UPF2: variants seen among roughly 807,000 people sequenced by gnomAD.
UPF2 encodes the protein UPF2 regulator of nonsense mediated mRNA decay, also known as regulator of nonsense transcripts 2.
In UPF2, 17 loss-of-function variants were observed where a neutral mutation model predicts 141.4. The ratio of observed to expected loss-of-function variants is 0.12; its 90% confidence interval spans 0.08 to 0.18. The LOEUF (loss-of-function observed/expected upper bound fraction) is 0.18, where lower values mean the gene tolerates loss of function less well. Among genes scored for constraint, UPF2 ranks in the 10% least tolerant of loss-of-function variants. The probability of loss-of-function intolerance (pLI) is 1.00; values close to 1 mark genes in which losing one functional copy is unlikely to be tolerated. For synonymous variants in UPF2, 540 were observed against 498.0 expected, an observed-to-expected ratio of 1.08 and a Z score of -1.12; for missense variants, 1,152 against 1,515.9, an observed-to-expected ratio of 0.76 and a Z score of 3.99.
Position 11,960,549 on chromosome 10 carries a change from T to TG in UPF2, c.2185-1194dup, listed in dbSNP as rs1389794416. The stretch of plus-strand genomic sequence containing the variant: ...TGTCACTGCACTCCAGCCTGGGTGA[T>TG]GGAGTGAGACCCCACCTCTAAAATA... On this transcript the variant is annotated intron_variant, in intron 11 of 21. Transcript: ENST00000357604. 4.7e-5 allele frequency among the ~76,000 whole-genome samples: 7 copies of TG among 149,120 alleles called. No homozygotes were observed. In the East Asian group the frequency reaches 1.4e-3, roughly 30 times the overall value.
intron 5 of UPF2, among the ~76,000 whole-genome samples, chr10:12,002,742 C>A (rs2131268343): frequency 6.6e-6 from 1 of 152,192 alleles, no homozygotes; most frequent in African/African-American, 2.4e-5. Context: ...GAAGAGAAAC[C>A]AAACCTTAGC....
intron 21 of UPF2, among the ~76,000 whole-genome samples, chr10:11,922,975 G>A (rs551209371): frequency 1.5e-4 from 23 of 152,230 alleles, no homozygotes; most frequent in African/African-American, 4.1e-4. Context: ...TCGAGGCTGC[G>A]GTGACCTGTG....
At chr10:11,975,378 A>ACTG (rs1340666282) in intron 9 of UPF2, among the ~76,000 whole-genome samples, 7 of 152,172 alleles carry the variant, frequency 4.6e-5, no homozygotes, top group African/African-American at 1.7e-4. Flanking sequence ...CCATCCAAAG[A>ACTG]CTGCTACGTT....
At chr10:11,990,197 C>CTTTGATA (rs1833756296) in intron 8 of UPF2, among the ~76,000 whole-genome samples, 1 of 152,194 alleles carries the variant, frequency 6.6e-6, no homozygotes, top group Non-Finnish European at 1.5e-5. Flanking sequence ...AATATGCCAT[C>CTTTGATA]AACATGCTTC....
chr10:11,964,354 C>G (rs1270442482), intron 10 of UPF2, among the ~76,000 whole-genome samples: 1 of 152,152 alleles, frequency 6.6e-6, no homozygotes, highest in East Asian at 1.9e-4. Context: ...GAATGTCAAA[C>G]CCCTTTCTAT....
intron 21 of UPF2, among the ~76,000 whole-genome samples, chr10:11,923,763 C>T (rs939884841): frequency 5.9e-5 from 9 of 151,952 alleles, no homozygotes; most frequent in Non-Finnish European, 1.0e-4. Context: ...TGCTTGAACT[C>T]GGGAGGCAGA....
At position 11,935,556 on chromosome 10, in the gene UPF2, T is replaced by C. The variant is rs184388878; in HGVS notation, c.3546+989A>G. ...ATTTCATGGACTCTAAGAAGCAACT[T>C]GATCTCAGAAATGTTAAGATGTAAA... On this transcript the variant is annotated intron_variant, in intron 19 of 21. Transcript: ENST00000357604. The surrounding 1 kb of genome is among the most constrained non-coding windows in gnomAD (Gnocchi z 4.9). 6.6e-6 allele frequency among the ~76,000 whole-genome samples: 1 copy of C among 152,306 alleles called. No homozygotes were observed. The highest frequency in any genetic ancestry group is 6.5e-5 in the Admixed American group (1 of 15,294).
In UPF2 at chr10:12,007,266, G is replaced by GA. The variant is rs2131274645; in HGVS notation, c.1307-2540dup. The stretch of plus-strand genomic sequence containing the variant: ...GATATCTGATTATATATATTTTCTG[G>GA]AAAAAAGTAAAGTCTGGACACATTA... On this transcript the variant is annotated intron_variant, in intron 4 of 21. Coordinates refer to ENST00000357604, the MANE Select transcript of UPF2 (RefSeq NM_015542.4). Among the ~76,000 whole-genome samples the GA allele has an allele frequency of 1.3e-5, 2 of 152,168 alleles. 1 individual carries two copies. Among genetic ancestry groups the GA allele is most frequent in the East Asian group, 3.9e-4 (2 of 5,184 alleles).
At chr10:12,036,347 A>T (rs1486153880) in intron 1 of UPF2, among the ~76,000 whole-genome samples, 1 of 152,230 alleles carries the variant, frequency 6.6e-6, no homozygotes, top group Non-Finnish European at 1.5e-5. Context: ...TCGGAGAAAA[A>T]ATTATCACCC....
intron 7 of UPF2, among the ~76,000 whole-genome samples, 194 bp downstream of exon 7, chr10:11,999,712 A>C (rs1166464639): frequency 6.6e-6 from 1 of 152,176 alleles, no homozygotes; most frequent in Non-Finnish European, 1.5e-5. Flanking sequence ...TGCTACAGCC[A>C]ATTCTCTACC....
Position 11,976,279 on chromosome 10 carries a change from C to T in UPF2, c.1953+2778G>A, listed in dbSNP as rs1041442587. Among the ~76,000 whole-genome samples, 9 of 152,136 alleles carry T rather than the reference C, an allele frequency of 5.9e-5. No homozygotes were observed. In the South Asian group the frequency reaches 8.3e-4, roughly 14 times the overall value. On this transcript the variant is annotated intron_variant, in intron 9 of 21. Transcript: ENST00000357604. ...ACTGGATCTAGGTAGAAGACAGAGACGGGAAAAGCTCGTTAAAAATCTACT... is the reference window on the plus strand; with the variant it reads ...ACTGGATCTAGGTAGAAGACAGAGATGGGAAAAGCTCGTTAAAAATCTACT...
Position 11,972,087 on chromosome 10 carries a change from C to A in UPF2, c.1954-4633G>T, listed in dbSNP as rs1372250069. 1.7e-3 allele frequency among the ~76,000 whole-genome samples: 252 copies of A among 144,002 alleles called. 1 individual carries two copies. The highest frequency in any genetic ancestry group is 5.4e-3 in the African/African-American group (213 of 39,258). 94.5% of individuals were successfully genotyped at this position (144,002 alleles called of 152,430 possible). On this transcript the variant is annotated intron_variant, in intron 9 of 21. Coordinates refer to ENST00000357604, the MANE Select transcript of UPF2 (RefSeq NM_015542.4). ...TCAAAAAAAAAAAAAAAAAAACACA[C>A]AAAAAAACACTCTTCAGATATGTCA... is the stretch of plus-strand genomic sequence containing the variant.
At chr10:11,969,873 A>G (rs1475072806) in intron 9 of UPF2, among the ~76,000 whole-genome samples, 2 of 152,206 alleles carry the variant, frequency 1.3e-5, no homozygotes, top group Non-Finnish European at 2.9e-5. Context: ...TAATACTTGT[A>G]AAGCACATAA....
At chr10:12,010,121 G>C (rs1015359523) in intron 4 of UPF2, among the ~76,000 whole-genome samples, 1 of 152,120 alleles carries the variant, frequency 6.6e-6, no homozygotes, top group Non-Finnish European at 1.5e-5. Context: ...TCCTAACAAA[G>C]CATCCTTTCA....
In UPF2 at chr10:11,938,853, G is replaced by GTTTTT. The variant is rs58106776; in HGVS notation, c.3379-2146_3379-2142dup. On this transcript the variant is annotated intron_variant, in intron 18 of 21. Transcript: ENST00000357604. The stretch of plus-strand genomic sequence containing the variant: ...GTGGTCTTAAGCAAGTTTTTTTTTT[G>GTTTTT]TTTTTTTTTTTTTTTTTTTTTTTTT... Among the ~76,000 whole-genome samples, 711 of 79,812 alleles carry GTTTTT rather than the reference G, an allele frequency of 8.9e-3. 156 individuals carry two copies. The highest frequency in any genetic ancestry group is 0.012 in the Non-Finnish European group (498 of 42,768). 52.4% of individuals were successfully genotyped at this position (79,812 alleles called of 152,430 possible).
chr10:11,952,765 C>T (rs571748147), intron 14 of UPF2, among the ~76,000 whole-genome samples: 11 of 152,088 alleles, frequency 7.2e-5, no homozygotes, highest in African/African-American at 9.6e-5. Context: ...TGAGCCACTG[C>T]GCCCGGCCCT....
At chr10:11,973,550 T>C (rs1205023765) in intron 9 of UPF2, among the ~76,000 whole-genome samples, 1 of 152,224 alleles carries the variant, frequency 6.6e-6, no homozygotes, top group Non-Finnish European at 1.5e-5. Context: ...CCATCTTGAA[T>C]TAATTTTTGT....
intron 5 of UPF2, among the ~76,000 whole-genome samples, chr10:12,003,322 C>G (rs113734645): frequency 1.1e-4 from 17 of 152,198 alleles, no homozygotes; most frequent in African/African-American, 3.9e-4. Flanking sequence ...AAAATGTGAC[C>G]CTTGCTCTCA....
chr10:12,005,936 G>A (rs1834028623), intron 4 of UPF2, among the ~76,000 whole-genome samples: 2 of 151,996 alleles, frequency 1.3e-5, no homozygotes, highest in African/African-American at 4.8e-5. Flanking sequence ...CTGGCGTGCA[G>A]TGACATGATC....
Sources: gnomAD v4.1 joint callset for allele counts (sites outside exome capture counted in the v4.1 genomes callset) on GRCh38, gnomAD v4.1.1 for gene constraint, Gnocchi (gnomAD v3.1) non-coding constraint, MANE v1.5 for transcripts, NCBI Gene and HGNC (gene_info 2026-07-23, HGNC 2026-07-21) for gene names.